The following ZNF497 variants were observed in gnomAD, a reference collection of about 807,000 sequenced individuals.
ZNF497 encodes zinc finger protein 497, also known as zinc finger-like protein.
For synonymous variants in ZNF497, 422 were observed against 313.7 expected, an observed-to-expected ratio of 1.35 and a Z score of -3.65; for missense variants, 930 against 714.0, an observed-to-expected ratio of 1.30 and a Z score of -3.45.
chr19:58,359,895 C>G (rs1254741804), intron 1 of ZNF497, among the ~76,000 whole-genome samples: 2 of 151,926 alleles, frequency 1.3e-5, no homozygotes, highest in African/African-American at 2.4e-5. Flanking sequence ...CTGCTTGAAC[C>G]CGGGAGGTGG....
Position 58,362,248 on chromosome 19 carries a change from G to A in ZNF497, c.-112+429C>T, listed in dbSNP as rs531973157. Among the ~76,000 whole-genome samples, 8 of 152,376 alleles carry A rather than the reference G, an allele frequency of 5.3e-5. No homozygotes were observed. The East Asian group carries it at 1.5e-3, about 29-fold the overall frequency. On this transcript the variant is annotated intron_variant, in intron 1 of 2. Transcript: ENST00000311044. ...AAGGGGAGGAAGCTGCGGCCAGGTG[G>A]CGCGAGGCCTGTGCGGGCAGCTCCG...
chr19:58,359,984 AAG>A (rs2148009123), intron 1 of ZNF497, among the ~76,000 whole-genome samples: 2 of 152,188 alleles, frequency 1.3e-5, no homozygotes, highest in South Asian at 4.2e-4. Context: ...AAAAAAAAAA[AAG>A]AGAATAAATA....
chr19:58,357,989 T>G, intron 2 of ZNF497: 1 of 1,260,590 alleles, frequency 7.9e-7, no homozygotes, highest in South Asian at 1.6e-5. Flanking sequence ...CTCCTCTCCT[T>G]GCTTCACAGG....
intron 1 of ZNF497, 53 bp from the exon 2 acceptor site, chr19:58,358,638 GAGAA>G: frequency 1.1e-6 from 1 of 886,942 alleles, no homozygotes; most frequent in Non-Finnish European, 1.5e-6. Context: ...TAGCAGATCT[GAGAA>G]AACAAGGGGC....
chr19:58,356,512 C>A lies in ZNF497; in HGVS notation c.1124G>T (p.Ser375Ile). 6.5e-7 allele frequency: 1 copy of A among 1,538,006 alleles called. No individual in the cohort carries two copies. The highest frequency in any genetic ancestry group is 8.7e-7 in the Non-Finnish European group (1 of 1,148,404). ...KAFSQRSNLL[S>I]HRRTHSGAKP... ...GGCGCCCGAGTGCGTGCGCCGGTGG[C>A]TCAGTAGGTTGGAGCGCTGGCTGAA... Residue 375 changes from serine to isoleucine, a missense_variant, in exon 3 of 3, where the codon AGC (serine) becomes ATC (isoleucine). Coordinates refer to ENST00000311044, the MANE Select transcript of ZNF497 (RefSeq NM_198458.3).
At chr19:58,358,684 C>T (rs1015307039) in intron 1 of ZNF497, 99 bp from the exon 2 acceptor site, 1 of 533,820 alleles carries the variant, frequency 1.9e-6, no homozygotes, top group Admixed American at 2.5e-5. Context: ...TTCTCTGCAC[C>T]TTCAGTTCTC....
chr19:58,358,977 A>ACTG (rs1179638244), intron 1 of ZNF497: 2 of 470,826 alleles, frequency 4.2e-6, no homozygotes, highest in Non-Finnish European at 8.4e-6. Context: ...CTGCCTAGCC[A>ACTG]CTGCTCCTGC....
chr19:58,362,042 C>A (rs960656773), intron 1 of ZNF497, among the ~76,000 whole-genome samples: 1 of 152,246 alleles, frequency 6.6e-6, no homozygotes, highest in Non-Finnish European at 1.5e-5. Flanking sequence ...CACGTCCACG[C>A]TGCGTGCCCT....
In ZNF497 at chr19:58,357,782, C is replaced by T. The variant is rs981106968; in HGVS notation, c.-14-133G>A. On this transcript the variant is annotated intron_variant, in intron 2 of 2. Transcript: ENST00000311044. ...CTCCAGGTCCCTGGATGCCCAATGCCCTCTGGAGCCTGGAGCAGGAAGGCC... is the reference window on the plus strand; with the variant it reads ...CTCCAGGTCCCTGGATGCCCAATGCTCTCTGGAGCCTGGAGCAGGAAGGCC... 1.0e-5 allele frequency: 12 copies of T among 1,202,740 alleles called. No individual in the cohort carries two copies. The African/African-American group carries it at 1.1e-4, about 11-fold the overall frequency. 74.5% of individuals were successfully genotyped at this position (1,202,740 alleles called of 1,614,324 possible).
intron 1 of ZNF497, among the ~76,000 whole-genome samples, chr19:58,359,894 C>T (rs571325144): frequency 1.6e-4 from 25 of 151,966 alleles, no homozygotes; most frequent in African/African-American, 5.3e-4. Flanking sequence ...ACTGCTTGAA[C>T]CCGGGAGGTG....
intron 1 of ZNF497, among the ~76,000 whole-genome samples, chr19:58,360,991 C>G (rs946473997): frequency 1.3e-5 from 2 of 151,810 alleles, no homozygotes; most frequent in Non-Finnish European, 1.5e-5. Context: ...ACCGTGTTAG[C>G]CAGGATGGTC....
Position 58,357,335 on chromosome 19 carries a change from G to A in ZNF497, c.301C>T (p.Pro101Ser). ...ADRALRPSPL[P>S]EEPGCRCGEC... ...CCGCACCGGCAGCCCGGCTCCTCTG[G>A]GAGAGGCGAAGGGCGCAACGCCCGG... The change falls in exon 3 of 3, where the codon CCA becomes TCA. Residue 101 changes from proline (P) to serine (S), a missense_variant. Pro to Ser is a moderately conservative substitution (Grantham distance 74). Transcript: ENST00000311044. 2 of 1,601,430 alleles carry A rather than the reference G, an allele frequency of 1.2e-6. No homozygotes were observed. Among genetic ancestry groups the A allele is most frequent in the Non-Finnish European group, 1.7e-6 (2 of 1,174,746 alleles).
At position 58,356,695 on chromosome 19, in the gene ZNF497, C is replaced by G; in HGVS notation, c.941G>C (p.Ser314Thr). Residue 314 changes from serine (S) to threonine (T), a missense_variant, in exon 3 of 3, where the codon AGC becomes ACC. Coordinates refer to ENST00000311044, the MANE Select transcript of ZNF497 (RefSeq NM_198458.3). ...GCGCTGGTGCTGCAGGAGCTGCGAG[C>G]TCTCGCGGAAAGCCTTTCCGCACTC... ...CAECGKAFRESSQLLQHQRTH... is the reference protein window; with the variant it reads ...CAECGKAFRETSQLLQHQRTH... 1 of 1,562,284 alleles carries G rather than the reference C, an allele frequency of 6.4e-7. No individual in the cohort carries two copies. The highest frequency in any genetic ancestry group is 8.6e-7 in the Non-Finnish European group (1 of 1,159,816).
chr19:58,356,586 G>A lies in ZNF497; in HGVS notation c.1050C>T (p.Arg350=). 6.5e-7 allele frequency: 1 copy of A among 1,546,904 alleles called. No homozygotes were observed. Among genetic ancestry groups the A allele is most frequent in the Non-Finnish European group, 8.7e-7 (1 of 1,151,012 alleles). Reference sequence around the variant, plus strand: ...CATGAGGCTTCTCGCCCGTGTGCACGCGCCGGTGCTCCGCCAGGTAGGAGC... The same window carrying A: ...CATGAGGCTTCTCGCCCGTGTGCACACGCCGGTGCTCCGCCAGGTAGGAGC... ...VMGSYLAEHR[R]VHTGEKPHAC... The change falls in exon 3 of 3, where the codon CGC becomes CGT. Residue 350 remains arginine (R), a synonymous_variant. Transcript: ENST00000311044.
Position 58,357,559 on chromosome 19 carries a change from G to T in ZNF497, c.77C>A (p.Thr26Lys). 1.9e-6 allele frequency: 3 copies of T among 1,601,650 alleles called. No individual in the cohort carries two copies. Among genetic ancestry groups the T allele is most frequent in the Non-Finnish European group, 2.6e-6 (3 of 1,174,510 alleles). ...GQVLCNVKTA[T>K]RGLSEGAVSG... Reference sequence around the variant, plus strand: ...CACAGCCCCCTCAGAGAGGCCCCTCGTGGCAGTCTTCACATTGCAGAGGAC... The same window carrying T: ...CACAGCCCCCTCAGAGAGGCCCCTCTTGGCAGTCTTCACATTGCAGAGGAC... Residue 26 changes from threonine (T) to lysine (K), a missense_variant, in exon 3 of 3, where the codon ACG becomes AAG. By Grantham distance (78) the Thr-to-Lys change is moderately conservative (BLOSUM62 -1). Coordinates refer to ENST00000311044, the MANE Select transcript of ZNF497 (RefSeq NM_198458.3).
At chr19:58,358,134 C>T (rs1372482922) in intron 2 of ZNF497, 10 of 1,274,456 alleles carry the variant, frequency 7.8e-6, no homozygotes, top group Non-Finnish European at 1.0e-5. Flanking sequence ...TCCACCCTGG[C>T]CGGATCCCTG....
chr19:58,356,147 C>G lies in ZNF497; in HGVS notation c.1489G>C (p.Ala497Pro), dbSNP rs2052014389. 1.3e-6 allele frequency: 2 copies of G among 1,556,900 alleles called. No homozygotes were observed. The highest frequency in any genetic ancestry group is 1.7e-6 in the Non-Finnish European group (2 of 1,151,690). Residue 497 changes from alanine (A) to proline (P), a missense_variant, in exon 3 of 3, where the codon GCG (alanine) becomes CCG (proline). Ala to Pro is a conservative substitution (Grantham distance 27, BLOSUM62 -1). Coordinates refer to ENST00000311044, the MANE Select transcript of ZNF497 (RefSeq NM_198458.3). ...EHQKRHGGRA[A>P]P is the part of the protein sequence containing the mutation. ...CTCAGGGCGTCCTCGGGTCAGGGCG[C>G]AGCGCGGCCCCCGTGCCGCTTCTGG... is the stretch of plus-strand genomic sequence containing the variant.
chr19:58,356,777 C>T lies in ZNF497; in HGVS notation c.859G>A (p.Ala287Thr), dbSNP rs760005489. 3.9e-6 allele frequency: 6 copies of T among 1,558,200 alleles called. No individual in the cohort carries two copies. Among genetic ancestry groups the T allele is most frequent in the Non-Finnish European group, 5.2e-6 (6 of 1,159,868 alleles). The change falls in exon 3 of 3, where the codon GCG becomes ACG. Residue 287 changes from alanine (A) to threonine (T), a missense_variant. Transcript: ENST00000311044. ...PDCGKAFVRV[A>T]GLRQHRRTHS... ...GTGCGCCGGTGCTGCCGCAGCCCCG[C>T]CACACGCACGAAGGCCTTGCCGCAG... is the stretch of plus-strand genomic sequence containing the variant.
rs1294273634 is a variant in ZNF497 at position 58,357,273 on chromosome 19, CAAGT to C, written c.359_362del (p.Tyr120CysfsTer67). 1.4e-5 allele frequency: 22 copies of C among 1,612,368 alleles called. No homozygotes were observed. The highest frequency in any genetic ancestry group is 1.7e-5 in the Admixed American group (1 of 59,880). ...CTGTGTGCACGCGCCGATGCTGCAG[CAAGT>C]AAGAGCCCTGGCTGAACGCCTTGCC... is the stretch of plus-strand genomic sequence containing the variant. On this transcript the variant is annotated frameshift_variant, in exon 3 of 3. Coordinates refer to ENST00000311044, the MANE Select transcript of ZNF497 (RefSeq NM_198458.3).
Sources: gnomAD v4.1 joint callset for allele counts (sites outside exome capture counted in the v4.1 genomes callset) on GRCh38, gnomAD v4.1.1 for gene constraint, MANE v1.5 for transcripts, NCBI Gene and HGNC (gene_info 2026-07-23, HGNC 2026-07-21) for gene names.